Variants in PGA5 observed in about 807,000 individuals in gnomAD.
PGA5 encodes pepsin A-5.
Under a neutral mutation model 15.9 loss-of-function variants are expected in PGA5, and 19 were observed. That is an observed-to-expected ratio of 1.19 (90% CI 0.83 to 1.75). The LOEUF is 1.75. PGA5 is among the 40% of genes most tolerant of loss of function. The pLI, the probability that PGA5 is intolerant of heterozygous loss-of-function variation, is 0.00. For missense variants in PGA5, 224 were observed against 246.4 expected (o/e 0.91, Z 0.61); for synonymous variants, 92 against 95.8 (o/e 0.96, Z 0.23).
chr11:61,247,130 C>A (rs753647853), intron 5 of PGA5, among the ~76,000 whole-genome samples: 1 of 151,932 alleles, frequency 6.6e-6, no homozygotes, highest in Admixed American at 6.6e-5. Context: ...TGAAAGGGTT[C>A]GCCGTCATTC....
rs201549603 is a variant in PGA5 at position 61,249,827 on chromosome 11, C to T, written c.918+14C>T. The T allele has an allele frequency of 1.6e-4, 253 of 1,613,672 alleles. 1 individual carries two copies. The African/African-American group carries it at 2.2e-3, about 14-fold the overall frequency. ...TCAGATGGCGACGTGAGTCCAGCCC[C>T]GACTGCCCTGTTCTACACTCAAGTA... On this transcript the variant is annotated intron_variant, in intron 7 of 8. Transcript: ENST00000312403.
In PGA5 at chr11:61,247,881, G is replaced by A. The variant is rs1332060162; in HGVS notation, c.657-538G>A. 4.6e-5 allele frequency among the ~76,000 whole-genome samples: 7 copies of A among 152,054 alleles called. No homozygotes were observed. The South Asian group carries it at 8.3e-4, about 18-fold the overall frequency. On this transcript the variant is annotated intron_variant, in intron 5 of 8. Coordinates refer to ENST00000312403, the MANE Select transcript of PGA5 (RefSeq NM_014224.5). The stretch of plus-strand genomic sequence containing the variant: ...ATTCCTTGCCGCCAAGGACTGTCCC[G>A]TGCATTGTAGGATGTTTGGCAGCAT...
Position 61,251,248 on chromosome 11 carries a change from A to G in PGA5, c.1134A>G (p.Ala378=). 1 of 1,611,860 alleles carries G rather than the reference A, an allele frequency of 6.2e-7. No individual in the cohort carries two copies. ...AGTACTTTACCGTCTTCGACAGGGC[A>G]AACAACCAGGTCGGCCTGGCCCCTG... The part of the protein sequence containing the change: ...IRQYFTVFDR[A]NNQVGLAPVA Residue 378 remains alanine, a synonymous_variant, in exon 9 of 9, where the codon GCA becomes GCG. Coordinates refer to ENST00000312403, the MANE Select transcript of PGA5 (RefSeq NM_014224.5).
rs1249778545 is a variant in PGA5 at position 61,246,081 on chromosome 11, G to A, written c.592G>A (p.Val198Ile). 20 of 437,938 alleles carry A rather than the reference G, an allele frequency of 4.6e-5. No individual in the cohort carries two copies. The highest frequency in any genetic ancestry group is 2.1e-4 in the East Asian group (6 of 28,684). The allele number at this position is 437,938 out of a possible 1,614,324, so 27.1% of individuals were successfully genotyped here. A position where few individuals can be genotyped will look rare whatever the true frequency, so the allele number is the denominator to read the frequency against. Reference protein sequence around the residue: ...PSISSSGATPVFDNIWNQGLV... With the variant: ...PSISSSGATPIFDNIWNQGLV... ...CATTTCCTCCTCCGGGGCCACACCC[G>A]TCTTTGACAACATCTGGAACCAGGG... is the stretch of plus-strand genomic sequence containing the variant. The change falls in exon 5 of 9, where the codon GTC becomes ATC. Residue 198 changes from valine (V) to isoleucine (I), a missense_variant. By Grantham distance (29) the Val-to-Ile change is conservative. Coordinates refer to ENST00000312403, the MANE Select transcript of PGA5 (RefSeq NM_014224.5).
intron 5 of PGA5, among the ~76,000 whole-genome samples, chr11:61,247,861 T>C (rs972011403): frequency 6.6e-6 from 1 of 152,016 alleles, no homozygotes; most frequent in Non-Finnish European, 1.5e-5. Context: ...CCATAATTCC[T>C]TGCCGCCAAG....
chr11:61,250,097 T>C, intron 8 of PGA5, 83 bp downstream of exon 8: 1 of 1,536,760 alleles, frequency 6.5e-7, no homozygotes, highest in Non-Finnish European at 8.8e-7. Context: ...GAAAGTACAC[T>C]TCCACGAGCT....
In PGA5 at chr11:61,251,259, T is replaced by C. The variant is rs779759348; in HGVS notation, c.1145T>C (p.Val382Ala). The change falls in exon 9 of 9, where the codon GTC becomes GCC. Residue 382 changes from valine to alanine, a missense_variant. Physicochemically the swap from Val to Ala is moderately conservative, Grantham distance 64 (BLOSUM62 0). Coordinates refer to ENST00000312403, the MANE Select transcript of PGA5 (RefSeq NM_014224.5). ...GTCTTCGACAGGGCAAACAACCAGG[T>C]CGGCCTGGCCCCTGTGGCTTAAGCC... Reference protein sequence around the residue: ...FTVFDRANNQVGLAPVA With the variant: ...FTVFDRANNQAGLAPVA 6.2e-7 allele frequency: 1 copy of C among 1,611,862 alleles called. No homozygotes were observed. Among genetic ancestry groups the C allele is most frequent in the Non-Finnish European group, 8.5e-7 (1 of 1,179,864 alleles).
At chr11:61,248,713 T>C (rs1201208712) in intron 6 of PGA5, among the ~76,000 whole-genome samples, 178 bp downstream of exon 6, 2 of 152,046 alleles carry the variant, frequency 1.3e-5, no homozygotes, top group Non-Finnish European at 2.9e-5. Context: ...GACACCTCCC[T>C]GCAGGAGGAG....
At chr11:61,250,926 G>A (rs1854132097) in intron 8 of PGA5, among the ~76,000 whole-genome samples, 1 of 151,810 alleles carries the variant, frequency 6.6e-6, no homozygotes, top group Non-Finnish European at 1.5e-5. Flanking sequence ...ATAATGTCCA[G>A]TAATGCGTAG....
intron 6 of PGA5, chr11:61,249,440 G>C (rs1490297598): frequency 2.4e-6 from 2 of 821,824 alleles, no homozygotes; most frequent in Non-Finnish European, 3.8e-6. Flanking sequence ...CTGTGAGGCT[G>C]TCTTGTTTCG....
In PGA5 at chr11:61,248,843, C is replaced by G. The variant is rs186001755; in HGVS notation, c.773+308C>G. On this transcript the variant is annotated intron_variant, in intron 6 of 8. Transcript: ENST00000312403. ...GAGAGCTGGGGGACCCACCTGTCCACGCATCTCACAATTTAAGGGGGCTGT... is the reference window on the plus strand; with the variant it reads ...GAGAGCTGGGGGACCCACCTGTCCAGGCATCTCACAATTTAAGGGGGCTGT... Among the ~76,000 whole-genome samples the G allele has an allele frequency of 1.2e-4, 19 of 152,246 alleles. No individual in the cohort carries two copies. In the East Asian group the frequency reaches 3.7e-3, roughly 29 times the overall value.
chr11:61,246,135 T>C lies in PGA5; in HGVS notation c.646T>C (p.Tyr216His). ...GGTTTCTCAGGACCTCTTCTCTGTC[T>C]ACCTCAGCGCGTAAGTTGAGTGGAG... ...GLVSQDLFSVYLSADDKSGSV... is the reference protein window; with the variant it reads ...GLVSQDLFSVHLSADDKSGSV... The change falls in exon 5 of 9, where the codon TAC becomes CAC. Residue 216 changes from tyrosine to histidine, a missense_variant. Transcript: ENST00000312403. 2 of 414,528 alleles carry C rather than the reference T, an allele frequency of 4.8e-6. No individual in the cohort carries two copies. Among genetic ancestry groups the C allele is most frequent in the South Asian group, 4.3e-5 (2 of 46,614 alleles). The allele number at this position is 414,528 out of a possible 1,614,324, so 25.7% of individuals were successfully genotyped here. A position where few individuals can be genotyped will look rare whatever the true frequency, so the allele number is the denominator to read the frequency against.
intron 5 of PGA5, among the ~76,000 whole-genome samples, chr11:61,247,173 G>C (rs1854076124): frequency 6.6e-6 from 1 of 151,946 alleles, no homozygotes; most frequent in Non-Finnish European, 1.5e-5. Context: ...TACACGTCTA[G>C]GTCCTCACTA....
chr11:61,249,446 T>C, intron 6 of PGA5: 1 of 868,696 alleles, frequency 1.2e-6, no homozygotes, highest in Non-Finnish European at 1.7e-6. Context: ...GGCTGTCTTG[T>C]TTCGCTTGGC....
At chr11:61,248,584 A>T (rs1035629821) in intron 6 of PGA5, 49 bp downstream of exon 6, 1 of 1,606,044 alleles carries the variant, frequency 6.2e-7, no homozygotes. Context: ...CCCAGATCCC[A>T]TTTCCTTATG....
At chr11:61,248,582 C>T in intron 6 of PGA5, 47 bp downstream of exon 6, 1 of 1,607,232 alleles carries the variant, frequency 6.2e-7, no homozygotes. Flanking sequence ...GCCCCAGATC[C>T]CATTTCCTTA....
Position 61,245,955 on chromosome 11 carries a change from A to G in PGA5, c.466A>G (p.Ile156Val), listed in dbSNP as rs1273594498. ...LGYDTVQVGG[I>V]SDTNQIFGLS... ...CGGTTTCCCCACCCAGGTTGGAGGC[A>G]TCTCTGACACCAATCAGATCTTCGG... Residue 156 changes from isoleucine (I) to valine (V), a missense_variant, in exon 5 of 9, where the codon ATC becomes GTC. Coordinates refer to ENST00000312403, the MANE Select transcript of PGA5 (RefSeq NM_014224.5). 2.0e-5 allele frequency: 5 copies of G among 246,984 alleles called. No homozygotes were observed. Among genetic ancestry groups the G allele is most frequent in the Non-Finnish European group, 3.5e-5 (5 of 142,564 alleles). 15.3% of individuals were successfully genotyped at this position (246,984 alleles called of 1,614,324 possible).
intron 6 of PGA5, among the ~76,000 whole-genome samples, chr11:61,248,987 CCT>C (rs1394626041): frequency 7.9e-5 from 12 of 152,144 alleles, no homozygotes; most frequent in African/African-American, 1.2e-4. Context: ...CGGGGCCTCC[CCT>C]GTCTCCCTGG....
rs2286878 is a variant in PGA5, at chr11:61,251,260, C to T, written c.1146C>T (p.Val382=). 2.8e-3 allele frequency: 4,570 copies of T among 1,611,840 alleles called. 69 individuals carry two copies. In the East Asian group the frequency reaches 0.032, roughly 11 times the overall value. ...TCTTCGACAGGGCAAACAACCAGGT[C>T]GGCCTGGCCCCTGTGGCTTAAGCCT... is the stretch of plus-strand genomic sequence containing the variant. ...FTVFDRANNQ[V]GLAPVA Residue 382 remains valine (V), a synonymous_variant, in exon 9 of 9, where the codon GTC becomes GTT. Transcript: ENST00000312403.
Sources: gnomAD v4.1 joint callset for allele counts (sites outside exome capture counted in the v4.1 genomes callset) on GRCh38, gnomAD v4.1.1 for gene constraint, MANE v1.5 for transcripts, NCBI Gene and HGNC (gene_info 2026-07-23, HGNC 2026-07-21) for gene names.